CSGALNACT1: variants seen among roughly 807,000 people sequenced by gnomAD.
The protein encoded by CSGALNACT1 is beta4GalNAcT-1.
CSGALNACT1 carries 52 observed loss-of-function variants against 51.0 expected under a neutral mutation model. The ratio of observed to expected loss-of-function variants is 1.02; its 90% CI spans 0.82 to 1.29. CSGALNACT1 has a LOEUF of 1.29. Among genes scored for constraint, CSGALNACT1 ranks in the 50% most tolerant of loss-of-function variants. CSGALNACT1 has a pLI of 0.00. For missense variants in CSGALNACT1, 935 were observed against 679.2 expected, an observed-to-expected ratio of 1.38 and a Z score of -4.19; for synonymous variants, 341 against 254.4, an observed-to-expected ratio of 1.34 and a Z score of -3.24.
At chr8:19,680,567 C>CA (rs1272673954) in intron 1 of CSGALNACT1, among the ~76,000 whole-genome samples, 2 of 38,502 alleles carry the variant, frequency 5.2e-5, no homozygotes, top group African/African-American at 1.3e-4. Flanking sequence ...TCGCCCCACC[C>CA]CCCCCCCCCC....
chr8:19,553,582 CATAT>C lies in CSGALNACT1; in HGVS notation c.-297+37574_-297+37577del, dbSNP rs544360926. Among the ~76,000 whole-genome samples the C allele has an allele frequency of 7.7e-3, 1,014 of 131,400 alleles. 12 individuals are homozygous for C. Among genetic ancestry groups the C allele is most frequent in the African/African-American group, 0.028 (961 of 33,820 alleles). The allele number at this position is 131,400 out of a possible 152,430, so 86.2% of individuals were successfully genotyped here. A position where few individuals can be genotyped will look rare whatever the true frequency, so the allele number is the denominator to read the frequency against. On this transcript the variant is annotated intron_variant, in intron 3 of 9. Coordinates refer to ENST00000454498, the Ensembl canonical transcript of CSGALNACT1. ...CCATTTATATACAAAAAGCTCAAAC[CATAT>C]ATATATATAAAAATACATTTATGTA...
At chr8:19,591,161 T>G (rs2047737512) in exon 3 of CSGALNACT1, 1 of 152,238 alleles carries the variant, frequency 6.6e-6, no homozygotes, top group Non-Finnish European at 1.5e-5. Context: ...TGGACCCACC[T>G]CCTCACAAAG....
intron 1 of CSGALNACT1, among the ~76,000 whole-genome samples, chr8:19,631,761 T>G (rs2055292620): frequency 6.6e-6 from 1 of 152,240 alleles, no homozygotes; most frequent in South Asian, 2.1e-4. Flanking sequence ...TAAAGGCACT[T>G]TCTTTAGCAT....
At position 19,640,589 on chromosome 8, in the gene CSGALNACT1, C is replaced by T. The variant is rs148718461; in HGVS notation, c.-543-38724G>A. 1.5e-3 allele frequency among the ~76,000 whole-genome samples: 236 copies of T among 152,288 alleles called. 1 individual carries two copies. Among genetic ancestry groups the T allele is most frequent in the African/African-American group, 5.3e-3 (219 of 41,560 alleles). ...TCTCCACTACATAAGAAAATAACAA[C>T]ATTAATTCTAAGCAGATTCTTCTAA... On this transcript the variant is annotated intron_variant, in intron 1 of 9. Coordinates refer to the CSGALNACT1 transcript ENST00000332246.
chr8:19,466,451 CT>C (rs1163172645), intron 4 of CSGALNACT1, among the ~76,000 whole-genome samples: 1 of 152,184 alleles, frequency 6.6e-6, no homozygotes, highest in East Asian at 1.9e-4. Context: ...ACACATTCTG[CT>C]TACTCTGTTC....
intron 3 of CSGALNACT1, among the ~76,000 whole-genome samples, chr8:19,525,829 C>T (rs1426191965): frequency 2.0e-5 from 3 of 151,984 alleles, no homozygotes; most frequent in African/African-American, 7.3e-5. Context: ...TTGGCAGTGC[C>T]AGCTACGTGA....
intron 3 of CSGALNACT1, among the ~76,000 whole-genome samples, chr8:19,529,198 C>T (rs778589977): frequency 1.4e-4 from 21 of 151,664 alleles, no homozygotes; most frequent in South Asian, 4.2e-4. Flanking sequence ...TTGTTGAGTG[C>T]GAAAGAAGAG....
chr8:19,437,699 G>A (rs1039047787), intron 6 of CSGALNACT1, among the ~76,000 whole-genome samples: 1 of 152,058 alleles, frequency 6.6e-6, no homozygotes, highest in Non-Finnish European at 1.5e-5. Context: ...ACCAGGTATA[G>A]GTATATACAT....
intron 1 of CSGALNACT1, among the ~76,000 whole-genome samples, chr8:19,710,714 G>A (rs1312378212): frequency 6.6e-6 from 1 of 152,140 alleles, no homozygotes; most frequent in Non-Finnish European, 1.5e-5. Flanking sequence ...TGCATAATGT[G>A]TGAAATTGAG....
At chr8:19,601,656 C>T (rs2050455260) in intron 2 of CSGALNACT1, 115 bp downstream of exon 2, 4 of 316,940 alleles carry the variant, frequency 1.3e-5, no homozygotes, top group South Asian at 5.4e-5. Context: ...TAACTTGTTA[C>T]TAATCAAGCT....
At chr8:19,488,051 A>G (rs1473518167) in intron 4 of CSGALNACT1, among the ~76,000 whole-genome samples, 2 of 152,086 alleles carry the variant, frequency 1.3e-5, no homozygotes, top group African/African-American at 4.8e-5. Flanking sequence ...GCTGATAATC[A>G]TAGTATTAGT....
At chr8:19,494,323 T>C (rs1259546051) in intron 4 of CSGALNACT1, among the ~76,000 whole-genome samples, 1 of 152,094 alleles carries the variant, frequency 6.6e-6, no homozygotes, top group Admixed American at 6.5e-5. Context: ...ACACACATCT[T>C]TGGCCTACAC....
chr8:19,444,344 C>G (rs547824205), intron 5 of CSGALNACT1, among the ~76,000 whole-genome samples: 1 of 152,288 alleles, frequency 6.6e-6, no homozygotes, highest in South Asian at 2.1e-4. Context: ...TCAGTACAGA[C>G]GCAGCCATTC....
At chr8:19,523,068 G>T (rs2081034493) in intron 3 of CSGALNACT1, among the ~76,000 whole-genome samples, 1 of 152,128 alleles carries the variant, frequency 6.6e-6, no homozygotes, top group African/African-American at 2.4e-5. Flanking sequence ...AACAATTGCG[G>T]ACATTACCAC....
At chr8:19,449,008 G>A (rs529825877) in intron 5 of CSGALNACT1, among the ~76,000 whole-genome samples, 1 of 152,088 alleles carries the variant, frequency 6.6e-6, no homozygotes, top group Non-Finnish European at 1.5e-5. Flanking sequence ...CCTCCCCTGT[G>A]TCGAGATAAA....
intron 4 of CSGALNACT1, among the ~76,000 whole-genome samples, chr8:19,469,450 G>C (rs1249889421): frequency 6.6e-6 from 1 of 152,078 alleles, no homozygotes; most frequent in Non-Finnish European, 1.5e-5. Context: ...GCAAGGAGGA[G>C]ACCATCCACA....
At chr8:19,507,830 TGTTGGCCAGGATG>T (rs1162937477) in intron 3 of CSGALNACT1, among the ~76,000 whole-genome samples, 1 of 152,182 alleles carries the variant, frequency 6.6e-6, no homozygotes, top group African/African-American at 2.4e-5. Context: ...GGTTTCACCA[TGTTGGCCAGGATG>T]GTCTCTATCT....
chr8:19,716,207 T>C (rs1564463836), intron 1 of CSGALNACT1, among the ~76,000 whole-genome samples: 2 of 152,038 alleles, frequency 1.3e-5, no homozygotes, highest in African/African-American at 4.8e-5. Flanking sequence ...TTTTGTCTTC[T>C]AGGGGAGACA....
chr8:19,619,467 T>C (rs1200094558), intron 1 of CSGALNACT1, among the ~76,000 whole-genome samples: 2 of 151,932 alleles, frequency 1.3e-5, no homozygotes, highest in African/African-American at 4.8e-5. Context: ...TTTTAAATGC[T>C]CATTCTGAGT....
Sources: allele counts gnomAD v4.1 joint callset (sites outside exome capture counted in the v4.1 genomes callset), GRCh38; gene constraint gnomAD v4.1.1; transcripts MANE v1.5; gene names NCBI Gene and HGNC (gene_info 2026-07-23, HGNC 2026-07-21).